The following KRT35 variants were observed in gnomAD, a reference collection of about 807,000 sequenced individuals.
KRT35 encodes the protein keratin 35.
A neutral mutation model predicts 42.2 loss-of-function variants in KRT35; 33 were observed. The observed-to-expected ratio is 0.78, with a 90% CI of 0.59 to 1.05. KRT35 has a LOEUF of 1.05. Among genes scored for constraint, KRT35 ranks in the 50% least tolerant of loss-of-function variants. The pLI, the probability that KRT35 is intolerant of heterozygous loss-of-function variation, is 0.00. For missense variants in KRT35, 585 were observed against 589.2 expected (o/e 0.99, Z 0.07); for synonymous variants, 218 against 238.2 (o/e 0.92, Z 0.78).
At chr17:41,480,059 C>A (rs1224266551) in intron 1 of KRT35, among the ~76,000 whole-genome samples, 1 of 152,190 alleles carries the variant, frequency 6.6e-6, no homozygotes, top group Non-Finnish European at 1.5e-5. Flanking sequence ...AGGCTTCTTC[C>A]AATCTCCCTG....
Position 41,481,010 on chromosome 17 carries a change from C to G in KRT35, c.88G>C (p.Ala30Pro). Residue 30 changes from alanine to proline, a missense_variant, in exon 1 of 7, where the codon GCA becomes CCA. Ala to Pro is a conservative substitution (Grantham distance 27). Transcript: ENST00000246639. ...GASGGSTRVS[A>P]MYSSSSCKLP... ...TTGCAAGAGCTGCTGGAGTACATTG[C>G]GGACACACGAGTGGAGCCCCCACTG... is the stretch of plus-strand genomic sequence containing the variant. 6.2e-7 allele frequency: 1 copy of G among 1,613,906 alleles called. No individual in the cohort carries two copies. The highest frequency in any genetic ancestry group is 8.5e-7 in the Non-Finnish European group (1 of 1,180,006).
intron 4 of KRT35, 140 bp from the exon 5 acceptor site, chr17:41,478,626 A>G: frequency 8.3e-7 from 1 of 1,205,028 alleles, no homozygotes; most frequent in South Asian, 1.5e-5. Flanking sequence ...ACTGGAGGGC[A>G]TTGTTGCTCA....
chr17:41,478,801 C>T, intron 4 of KRT35, 33 bp downstream of exon 4: 1 of 1,593,922 alleles, frequency 6.3e-7, no homozygotes, highest in Non-Finnish European at 8.6e-7. Context: ...CCACCACATA[C>T]CCCTGTTGCA....
chr17:41,477,342 A>G, intron 6 of KRT35, 139 bp from the exon 7 acceptor site: 1 of 1,309,268 alleles, frequency 7.6e-7, no homozygotes, highest in African/African-American at 1.5e-5. Flanking sequence ...AAAGGGAAAC[A>G]GGCCCTGAGA....
rs2019178080 is a variant in KRT35, at chr17:41,476,878, G to A, written c.*178C>T. On this transcript the variant is annotated 3_prime_UTR_variant, in exon 7 of 7. Coordinates refer to ENST00000246639, the MANE Select transcript of KRT35 (RefSeq NM_002280.6). ...GAGTTGAGACCTTTGGGGGCAGCCG[G>A]CCTTTGTGACAGGCTCTGAGAAACT... 3.4e-6 allele frequency: 2 copies of A among 580,576 alleles called. No homozygotes were observed. Among genetic ancestry groups the A allele is most frequent in the Non-Finnish European group, 5.7e-6 (2 of 347,912 alleles). The allele number at this position is 580,576 out of a possible 1,614,324, so 36.0% of individuals were successfully genotyped here. A position where few individuals can be genotyped will look rare whatever the true frequency, so the allele number is the denominator to read the frequency against.
At chr17:41,477,777 G>C (rs1284896665) in intron 5 of KRT35, 39 bp from the exon 6 acceptor site, 1 of 1,587,186 alleles carries the variant, frequency 6.3e-7, no homozygotes, top group Non-Finnish European at 8.6e-7. Context: ...AAAAAGGCTA[G>C]AGGTCAGAGA....
chr17:41,480,499 A>C, intron 1 of KRT35, 128 bp downstream of exon 1: 1 of 701,270 alleles, frequency 1.4e-6, no homozygotes, highest in South Asian at 1.8e-5. Flanking sequence ...GGTTATTGGG[A>C]GGAGCAAATG....
intron 5 of KRT35, among the ~76,000 whole-genome samples, chr17:41,478,026 G>A: frequency 6.6e-6 from 1 of 152,214 alleles, no homozygotes; most frequent in Non-Finnish European, 1.5e-5. Flanking sequence ...CTTGAGATGA[G>A]CTAATTAGCC....
Position 41,478,873 on chromosome 17 carries a change from C to T in KRT35, c.834G>A (p.Glu278=). The T allele has an allele frequency of 1.9e-6, 3 of 1,614,004 alleles. No homozygotes were observed. The highest frequency in any genetic ancestry group is 2.5e-6 in the Non-Finnish European group (3 of 1,179,944). Residue 278 remains glutamate, a synonymous_variant, in exon 4 of 7, where the codon GAG becomes GAA. Coordinates refer to ENST00000246639, the MANE Select transcript of KRT35 (RefSeq NM_002280.6). ...EMRCQYETLV[E]NNRRDAEDWL... Reference sequence around the variant, plus strand: ...AGTCTTCAGCATCCCGGCGGTTATTCTCCACCAGGGTTTCATACTGGCACC... The same window carrying T: ...AGTCTTCAGCATCCCGGCGGTTATTTTCCACCAGGGTTTCATACTGGCACC...
intron 1 of KRT35, 71 bp from the exon 2 acceptor site, chr17:41,479,852 A>G: frequency 7.8e-7 from 1 of 1,278,290 alleles, no homozygotes; most frequent in South Asian, 1.2e-5. Flanking sequence ...TAAAGCTGAC[A>G]AGGGCTGACT....
chr17:41,479,651 T>C (rs765734763), intron 2 of KRT35, 48 bp downstream of exon 2: 2 of 1,583,878 alleles, frequency 1.3e-6, no homozygotes, highest in South Asian at 2.2e-5. Flanking sequence ...GCATCACCTG[T>C]GTCCAGTTCT....
At chr17:41,479,284 C>A in intron 3 of KRT35, 63 bp downstream of exon 3, 1 of 1,546,526 alleles carries the variant, frequency 6.5e-7, no homozygotes, top group Non-Finnish European at 8.8e-7. Context: ...ACCTCCTCCC[C>A]ATGTTCACCT....
intron 1 of KRT35, 59 bp downstream of exon 1, chr17:41,480,568 C>T (rs2019237318): frequency 1.9e-5 from 25 of 1,338,196 alleles, no homozygotes; most frequent in Non-Finnish European, 2.3e-5. Flanking sequence ...AACAGAACTA[C>T]CAATGAATGC....
At position 41,477,773 on chromosome 17, in the gene KRT35, G is replaced by A. The variant is rs41473448; in HGVS notation, c.1000-35C>T. Reference sequence around the variant, plus strand: ...CAAGAGTTGTGTAGGGAGGAAAAAGGCTAGAGGTCAGAGAAGGAGCAAGGA... The same window carrying A: ...CAAGAGTTGTGTAGGGAGGAAAAAGACTAGAGGTCAGAGAAGGAGCAAGGA... On this transcript the variant is annotated intron_variant, in intron 5 of 6. Coordinates refer to ENST00000246639, the MANE Select transcript of KRT35 (RefSeq NM_002280.6). The A allele has an allele frequency of 8.2e-6, 13 of 1,590,642 alleles. No individual in the cohort carries two copies. In the African/African-American group the frequency reaches 1.8e-4, roughly 21 times the overall value.
In KRT35 at chr17:41,478,407, C is replaced by T. The variant is rs772155702; in HGVS notation, c.953G>A (p.Arg318His). The T allele has an allele frequency of 1.1e-5, 17 of 1,613,912 alleles. No individual in the cohort carries two copies. Among genetic ancestry groups the T allele is most frequent in the Non-Finnish European group, 1.4e-5 (16 of 1,179,940 alleles). Reference sequence around the variant, plus strand: ...CTCAATCTCCAGGGCGTTGACCGTGCGTCTCAGCTCGATGATCTCTGCCTG... The same window carrying T: ...CTCAATCTCCAGGGCGTTGACCGTGTGTCTCAGCTCGATGATCTCTGCCTG... ...SCQAEIIELR[R>H]TVNALEIELQ... Residue 318 changes from arginine (R) to histidine (H), a missense_variant, in exon 5 of 7, where the codon CGC becomes CAC. Transcript: ENST00000246639.
chr17:41,478,566 T>C, intron 4 of KRT35, 80 bp from the exon 5 acceptor site: 8 of 1,518,732 alleles, frequency 5.3e-6, no homozygotes, highest in Non-Finnish European at 6.3e-6. Context: ...GTTAGAATCA[T>C]GAGCCAAGAA....
At chr17:41,480,518 G>A in intron 1 of KRT35, 109 bp downstream of exon 1, 1 of 812,296 alleles carries the variant, frequency 1.2e-6, no homozygotes, top group Non-Finnish European at 2.0e-6. Context: ...TGAGGCCACA[G>A]AGATGAACAT....
Position 41,478,934 on chromosome 17 carries a change from G to A in KRT35, c.773C>T (p.Pro258Leu). 6.2e-7 allele frequency: 1 copy of A among 1,614,014 alleles called. No individual in the cohort carries two copies. The highest frequency in any genetic ancestry group is 1.3e-5 in the African/African-American group (1 of 74,998). Residue 258 changes from proline (P) to leucine (L), a missense_variant, in exon 4 of 7, where the codon CCA (proline) becomes CTA (leucine). Pro to Leu is a moderately conservative substitution (Grantham distance 98, BLOSUM62 -3). Coordinates refer to ENST00000246639, the MANE Select transcript of KRT35 (RefSeq NM_002280.6). ...DRLNVEVDAAPPVDLNRVLEE... is the reference protein window; with the variant it reads ...DRLNVEVDAALPVDLNRVLEE... The stretch of plus-strand genomic sequence containing the variant: ...CAGAACTCGGTTCAGGTCAACAGGT[G>A]GGGCAGCGTCCACCTCAACATTGAG...
Position 41,481,037 on chromosome 17 carries a change from C to G in KRT35, c.61G>C (p.Ala21Pro), listed in dbSNP as rs1428507276. ...GACACACGAGTGGAGCCCCCACTGG[C>G]CCCTCCTGGGCTCTTGAGAGACCCA... ...SSGSLKSPGG[A>P]SGGSTRVSAM... Residue 21 changes from alanine to proline, a missense_variant, in exon 1 of 7, where the codon GCC (alanine) becomes CCC (proline). By Grantham distance (27) the Ala-to-Pro change is conservative. Coordinates refer to ENST00000246639, the MANE Select transcript of KRT35 (RefSeq NM_002280.6). 6.2e-7 allele frequency: 1 copy of G among 1,613,948 alleles called. No homozygotes were observed. The highest frequency in any genetic ancestry group is 1.7e-5 in the Admixed American group (1 of 60,022).
Sources: gnomAD v4.1 joint callset for allele counts (sites outside exome capture counted in the v4.1 genomes callset) on GRCh38, gnomAD v4.1.1 for gene constraint, MANE v1.5 for transcripts, NCBI Gene and HGNC (gene_info 2026-07-23, HGNC 2026-07-21) for gene names.